MICU1: variants seen among roughly 807,000 people sequenced by gnomAD.
MICU1 encodes the protein mitochondrial calcium uptake 1, also known as calcium uptake protein 1, mitochondrial.
A neutral mutation model predicts 56.8 loss-of-function variants in MICU1; 45 were observed. The observed-to-expected ratio is 0.79, with a 90% CI of 0.62 to 1.02. The LOEUF is 1.02. Ranked by LOEUF, MICU1 falls within the 50% of genes least tolerant of loss-of-function variation. The probability of loss-of-function intolerance (pLI) is 0.00; values close to 1 mark genes in which losing one functional copy is unlikely to be tolerated. For missense variants in MICU1, 504 were observed against 587.1 expected (o/e 0.86, Z 1.46); for synonymous variants, 186 against 195.1 (o/e 0.95, Z 0.39).
intron 5 of MICU1, chr10:72,509,471 C>A: frequency 8.4e-7 from 1 of 1,197,284 alleles, no homozygotes; most frequent in African/African-American, 1.6e-5. Flanking sequence ...ATACAAGTAC[C>A]ACACGAATCA....
rs982337791 is a variant in MICU1 at position 72,367,835 on chromosome 10, T to C, written c.*360A>G. On this transcript the variant is annotated 3_prime_UTR_variant, in exon 12 of 12. Transcript: ENST00000361114. ...GAATGTTCTTGTTAGTATAAATCCA[T>C]AGCAAAAACGATTTGAGAACTGGAT... The C allele has an allele frequency of 4.9e-5, 10 of 202,748 alleles. No individual in the cohort carries two copies. Among genetic ancestry groups the C allele is most frequent in the Admixed American group, 1.1e-4 (2 of 18,766 alleles). The allele number at this position is 202,748 out of a possible 1,614,324, so 12.6% of individuals were successfully genotyped here.
rs1472893768 is a variant in MICU1, at chr10:72,428,406, G to A, written c.934-5035C>T. ...TCTCCACTGCAACCTCTGCCTCCCAGGTTCAAGCAATTCTCCTGCCTAAGC... is the reference window on the plus strand; with the variant it reads ...TCTCCACTGCAACCTCTGCCTCCCAAGTTCAAGCAATTCTCCTGCCTAAGC... On this transcript the variant is annotated intron_variant, in intron 8 of 11. Coordinates refer to ENST00000361114, the MANE Select transcript of MICU1 (RefSeq NM_001195518.2). 2.0e-5 allele frequency among the ~76,000 whole-genome samples: 3 copies of A among 152,194 alleles called. No individual in the cohort carries two copies. In the South Asian group the frequency reaches 6.2e-4, roughly 31 times the overall value.
At chr10:72,528,205 C>T (rs1301637871) in intron 5 of MICU1, among the ~76,000 whole-genome samples, 1 of 152,192 alleles carries the variant, frequency 6.6e-6, no homozygotes, top group East Asian at 1.9e-4. Flanking sequence ...AGGGCCCAGT[C>T]ATCATGCCCA....
At chr10:72,535,476 T>C (rs1564923548) in intron 4 of MICU1, among the ~76,000 whole-genome samples, 1 of 152,192 alleles carries the variant, frequency 6.6e-6, no homozygotes, top group South Asian at 2.1e-4. Flanking sequence ...TTTAGTATCC[T>C]ACAGGACCTT....
At position 72,577,353 on chromosome 10, in the gene MICU1, T is replaced by G. The variant is rs1437279153; in HGVS notation, c.-1-10559A>C. 2.6e-5 allele frequency among the ~76,000 whole-genome samples: 4 copies of G among 151,498 alleles called. No homozygotes were observed. In the East Asian group the frequency reaches 7.8e-4, roughly 29 times the overall value. On this transcript the variant is annotated intron_variant, in intron 1 of 11. Transcript: ENST00000361114. ...GGAGAAACTCCGTCTCTACTAAAAA[T>G]ACAAAATTAGCCAGGCATGGTGGCA...
At chr10:72,467,862 T>C (rs1865840902) in intron 8 of MICU1, 1 of 151,454 alleles carries the variant, frequency 6.6e-6, no homozygotes, top group African/African-American at 2.4e-5. Context: ...CTTGTCGCCC[T>C]GGAGTGCAAT....
intron 8 of MICU1, among the ~76,000 whole-genome samples, chr10:72,441,552 A>T (rs1315496869): frequency 3.5e-4 from 42 of 118,358 alleles, no homozygotes; most frequent in African/African-American, 1.4e-3. Context: ...TAAATTATTT[A>T]AAAAAAAAAA....
chr10:72,576,668 G>C (rs1454740988), intron 1 of MICU1, among the ~76,000 whole-genome samples: 1 of 152,174 alleles, frequency 6.6e-6, no homozygotes, highest in East Asian at 1.9e-4. Flanking sequence ...TGATGAAGGT[G>C]GCTACACTAA....
At chr10:72,470,285 A>G (rs1176047686) in intron 8 of MICU1, among the ~76,000 whole-genome samples, 1 of 152,244 alleles carries the variant, frequency 6.6e-6, no homozygotes, top group Non-Finnish European at 1.5e-5. Context: ...AGTTGGGAAG[A>G]CACAGTACTG....
At chr10:72,449,780 G>A (rs993762781) in intron 8 of MICU1, among the ~76,000 whole-genome samples, 1 of 152,058 alleles carries the variant, frequency 6.6e-6, no homozygotes. Context: ...TCTCTAGATC[G>A]AACTTCACAT....
chr10:72,401,812 T>TA (rs1398521437), intron 10 of MICU1, among the ~76,000 whole-genome samples: 3 of 152,200 alleles, frequency 2.0e-5, no homozygotes, highest in Non-Finnish European at 2.9e-5. Flanking sequence ...TCTCTAGAAC[T>TA]ATTTCATCCT....
At chr10:72,539,463 G>A (rs1479897299) in intron 4 of MICU1, among the ~76,000 whole-genome samples, 2 of 152,068 alleles carry the variant, frequency 1.3e-5, no homozygotes, top group Non-Finnish European at 2.9e-5. Context: ...CAAAGATGTG[G>A]AAATCAAGCA....
chr10:72,568,260 T>C (rs1044853298), intron 1 of MICU1, among the ~76,000 whole-genome samples: 1 of 152,224 alleles, frequency 6.6e-6, no homozygotes, highest in African/African-American at 2.4e-5. Context: ...GAAACATCTG[T>C]ATTAGTGCAT....
chr10:72,408,958 GT>G (rs1250603313), intron 9 of MICU1, among the ~76,000 whole-genome samples: 1 of 151,962 alleles, frequency 6.6e-6, no homozygotes, highest in Non-Finnish European at 1.5e-5. Flanking sequence ...TTCAAAAACG[GT>G]TTAAAGATTT....
chr10:72,394,883 A>G (rs1863194672), intron 10 of MICU1, among the ~76,000 whole-genome samples: 1 of 152,012 alleles, frequency 6.6e-6, no homozygotes, highest in Non-Finnish European at 1.5e-5. Context: ...TTTTTCTTTT[A>G]GAAACCTAAC....
chr10:72,521,152 G>T (rs1031253905), intron 5 of MICU1, among the ~76,000 whole-genome samples: 1 of 151,976 alleles, frequency 6.6e-6, no homozygotes, highest in Admixed American at 6.6e-5. Flanking sequence ...TCAATATAGT[G>T]ATTTCACCTT....
At chr10:72,478,115 C>T (rs375505981) in intron 6 of MICU1, among the ~76,000 whole-genome samples, 7 of 151,600 alleles carry the variant, frequency 4.6e-5, no homozygotes, top group Admixed American at 1.3e-4. Context: ...GTGATCCACT[C>T]GCCTTGGCCT....
At chr10:72,536,404 T>C (rs1412480053) in intron 4 of MICU1, among the ~76,000 whole-genome samples, 1 of 152,142 alleles carries the variant, frequency 6.6e-6, no homozygotes, top group Non-Finnish European at 1.5e-5. Flanking sequence ...TGGAGTGCAG[T>C]GGCATGATCT....
In MICU1 at chr10:72,383,078, C is replaced by T. The variant is rs565158799; in HGVS notation, c.1181-7206G>A. On this transcript the variant is annotated intron_variant, in intron 10 of 11. Coordinates refer to ENST00000361114, the MANE Select transcript of MICU1 (RefSeq NM_001195518.2). Reference sequence around the variant, plus strand: ...GCAATAGAGGAAGACCTCATCTCTACGAAAAATTTTAAAAAACATTAGTTG... The same window carrying T: ...GCAATAGAGGAAGACCTCATCTCTATGAAAAATTTTAAAAAACATTAGTTG... Among the ~76,000 whole-genome samples the T allele has an allele frequency of 5.9e-4, 89 of 152,078 alleles. 1 individual carries two copies. Among genetic ancestry groups the T allele is most frequent in the South Asian group, 2.5e-3 (12 of 4,824 alleles).
Sources: allele counts gnomAD v4.1 joint callset (sites outside exome capture counted in the v4.1 genomes callset), GRCh38; gene constraint gnomAD v4.1.1; transcripts MANE v1.5; gene names NCBI Gene and HGNC (gene_info 2026-07-23, HGNC 2026-07-21).